The following PCSK5 variants were observed in gnomAD, a reference collection of about 807,000 sequenced individuals.
PCSK5 encodes the protein proprotein convertase subtilisin/kexin type 5, also known as prohormone convertase 5.
In PCSK5, 129 loss-of-function variants were observed where a neutral mutation model predicts 233.2. The observed-to-expected ratio is 0.55, with a 90% CI of 0.48 to 0.64. The LOEUF (loss-of-function observed/expected upper bound fraction) is 0.64, where lower values mean the gene tolerates loss of function less well. PCSK5 is among the 30% of genes least tolerant of loss of function. PCSK5 has a pLI of 0.00. For synonymous variants in PCSK5, 825 were observed against 879.2 expected (o/e 0.94, Z 1.09); for missense variants, 2,076 against 2,430.1 (o/e 0.85, Z 3.06).
intron 20 of PCSK5, chr9:76,193,372 T>C (rs1824507985): frequency 6.2e-7 from 1 of 1,604,554 alleles, no homozygotes; most frequent in Admixed American, 1.7e-5. Flanking sequence ...TTAGATTTCT[T>C]TGTTCCTGTA....
At chr9:75,954,157 A>T (rs1220187811) in intron 2 of PCSK5, among the ~76,000 whole-genome samples, 1 of 152,232 alleles carries the variant, frequency 6.6e-6, no homozygotes, top group Non-Finnish European at 1.5e-5. Context: ...AACATGCTGG[A>T]CATTTCGTTT....
chr9:76,066,266 A>G (rs1211615473), intron 5 of PCSK5, among the ~76,000 whole-genome samples: 2 of 152,160 alleles, frequency 1.3e-5, no homozygotes, highest in Non-Finnish European at 2.9e-5. Context: ...GTCCAGGAGC[A>G]TGGAACATCT....
intron 12 of PCSK5, among the ~76,000 whole-genome samples, chr9:76,167,602 T>G (rs547021184): frequency 6.6e-6 from 1 of 152,352 alleles, no homozygotes; most frequent in East Asian, 1.9e-4. Flanking sequence ...AGAATCCTGC[T>G]GGCATTTTAG....
chr9:76,353,934 C>T (rs1830231147), intron 36 of PCSK5, 99 bp from the exon 37 acceptor site: 1 of 833,948 alleles, frequency 1.2e-6, no homozygotes, highest in Non-Finnish European at 1.9e-6. Context: ...CCCCACACAT[C>T]TCCCTCCTTA....
At chr9:76,260,132 G>A (rs966184793) in intron 24 of PCSK5, among the ~76,000 whole-genome samples, 2 of 152,184 alleles carry the variant, frequency 1.3e-5, no homozygotes, top group African/African-American at 4.8e-5. Flanking sequence ...TCAGCTGTAA[G>A]AGGCTAGTTG....
chr9:76,160,497 A>C (rs1822806182), intron 12 of PCSK5, among the ~76,000 whole-genome samples: 1 of 152,154 alleles, frequency 6.6e-6, no homozygotes, highest in Admixed American at 6.5e-5. Context: ...AGTGGCATAT[A>C]TAGTTCAAAT....
chr9:76,149,958 T>C (rs922257465), intron 10 of PCSK5, among the ~76,000 whole-genome samples: 1 of 152,240 alleles, frequency 6.6e-6, no homozygotes, highest in African/African-American at 2.4e-5. Context: ...ATCTCCTTCT[T>C]GTTTTAACTC....
At chr9:76,319,474 A>G (rs2803422) in intron 30 of PCSK5, among the ~76,000 whole-genome samples, 46,904 of 142,934 alleles carry the variant, frequency 0.33, 7,390 homozygotes, top group Middle Eastern at 0.36. Context: ...AATAACCGGC[A>G]GGTATAGGGT....
At chr9:75,927,405 C>T (rs539798237) in intron 1 of PCSK5, among the ~76,000 whole-genome samples, 11 of 151,122 alleles carry the variant, frequency 7.3e-5, no homozygotes, top group African/African-American at 2.7e-4. Flanking sequence ...ACAGGTTCCT[C>T]AAGGTGGCCA....
At chr9:76,071,513 A>G (rs1361472541) in intron 6 of PCSK5, among the ~76,000 whole-genome samples, 1 of 152,188 alleles carries the variant, frequency 6.6e-6, no homozygotes, top group African/African-American at 2.4e-5. Flanking sequence ...GGATTAAAAA[A>G]ATTGAAGTTT....
At position 76,296,774 on chromosome 9, in the gene PCSK5, C is replaced by T. The variant is rs757117001; in HGVS notation, c.3432C>T (p.Asp1144=). 29 of 1,611,510 alleles carry T rather than the reference C, an allele frequency of 1.8e-5. No individual in the cohort carries two copies. The highest frequency in any genetic ancestry group is 1.7e-4 in the Middle Eastern group (1 of 6,060). ...AAACCTGCACAGGCCCTGGTCATGA[C>T]GAGTGCAGCAGCTGCCAGGAAGGAC... is the stretch of plus-strand genomic sequence containing the variant. The part of the protein sequence containing the change: ...ACETCTGPGH[D]ECSSCQEGLQ... The change falls in exon 27 of 38, where the codon GAC becomes GAT. Residue 1144 remains aspartate (D), a synonymous_variant. Coordinates refer to ENST00000674117, the MANE Select transcript of PCSK5 (RefSeq NM_001372043.1).
intron 30 of PCSK5, 64 bp downstream of exon 30, chr9:76,310,915 A>G: frequency 9.4e-7 from 1 of 1,059,588 alleles, no homozygotes; most frequent in Non-Finnish European, 1.3e-6. Context: ...TTTGGGAGCA[A>G]TTCTTTCTTA....
At chr9:76,257,707 G>A (rs1458137115) in intron 24 of PCSK5, among the ~76,000 whole-genome samples, 1 of 152,178 alleles carries the variant, frequency 6.6e-6, no homozygotes, top group East Asian at 1.9e-4. Context: ...GATCTGGACA[G>A]GGCCATGCCT....
intron 3 of PCSK5, among the ~76,000 whole-genome samples, chr9:76,003,208 C>T (rs557714580): frequency 3.3e-5 from 5 of 152,208 alleles, no homozygotes; most frequent in African/African-American, 1.2e-4. Context: ...TGTGTTCAAT[C>T]GTAAAGGCAG....
chr9:76,186,282 AC>A lies in PCSK5; in HGVS notation c.2282+1526del, dbSNP rs1291320597. On this transcript the variant is annotated intron_variant, in intron 17 of 37. Coordinates refer to ENST00000674117, the MANE Select transcript of PCSK5 (RefSeq NM_001372043.1). The stretch of plus-strand genomic sequence containing the variant: ...AATATTTGATCTTTATTTAGGTTTC[AC>A]AGTTGAAAAAGAAAATTTTACATAG... Among the ~76,000 whole-genome samples the A allele has an allele frequency of 2.0e-5, 3 of 152,230 alleles. No homozygotes were observed. The East Asian group carries it at 5.8e-4, about 29-fold the overall frequency.
intron 5 of PCSK5, among the ~76,000 whole-genome samples, chr9:76,063,858 C>A (rs1176237297): frequency 1.6e-5 from 1 of 60,828 alleles, no homozygotes; most frequent in African/African-American, 1.4e-4. Context: ...ACCTCCCAGA[C>A]GGGGTGGTGG....
chr9:76,119,722 A>T (rs1832561206), intron 9 of PCSK5, among the ~76,000 whole-genome samples: 1 of 152,060 alleles, frequency 6.6e-6, no homozygotes, highest in African/African-American at 2.4e-5. Flanking sequence ...TACAGGCATG[A>T]AATGTGTAAT....
chr9:76,210,883 G>C (rs1033865103), intron 20 of PCSK5, among the ~76,000 whole-genome samples: 4 of 152,190 alleles, frequency 2.6e-5, no homozygotes, highest in African/African-American at 9.7e-5. Context: ...AGATAGAACA[G>C]ACTGAAATTG....
intron 2 of PCSK5, 24 bp from the exon 3 acceptor site, chr9:75,986,108 C>T (rs1826502720): frequency 1.5e-6 from 2 of 1,343,394 alleles, no homozygotes; most frequent in Non-Finnish European, 2.1e-6. Flanking sequence ...AACGTGAATA[C>T]TCACCAAATG....
Sources: allele counts gnomAD v4.1 joint callset (sites outside exome capture counted in the v4.1 genomes callset), GRCh38; gene constraint gnomAD v4.1.1; transcripts MANE v1.5; gene names NCBI Gene and HGNC (gene_info 2026-07-23, HGNC 2026-07-21).